SLC9C2: variants seen among roughly 807,000 people sequenced by gnomAD.
SLC9C2 encodes sodium/hydrogen exchanger 11.
In SLC9C2, 75 loss-of-function variants were observed where a neutral mutation model predicts 140.2. The observed-to-expected ratio is 0.53, with a 90% CI of 0.44 to 0.65. SLC9C2 has a LOEUF of 0.65. SLC9C2 is among the 30% of genes least tolerant of loss of function. The pLI is 0.00. For synonymous variants in SLC9C2, 375 were observed against 420.9 expected, an observed-to-expected ratio of 0.89 and a Z score of 1.34; for missense variants, 1,074 against 1,331.8, an observed-to-expected ratio of 0.81 and a Z score of 3.01.
chr1:173,537,510 C>T (rs1409557183), intron 13 of SLC9C2, among the ~76,000 whole-genome samples: 1 of 151,868 alleles, frequency 6.6e-6, no homozygotes, highest in African/African-American at 2.4e-5. Context: ...TGTGGTGAGC[C>T]GAGATCATGC....
intron 11 of SLC9C2, among the ~76,000 whole-genome samples, chr1:173,549,505 G>A (rs1263304216): frequency 6.6e-6 from 1 of 152,202 alleles, no homozygotes; most frequent in African/African-American, 2.4e-5. Flanking sequence ...CTTTCCAGTT[G>A]CTCAGGGGAA....
At chr1:173,570,580 G>A (rs577214163) in intron 9 of SLC9C2, among the ~76,000 whole-genome samples, 3 of 152,144 alleles carry the variant, frequency 2.0e-5, no homozygotes, top group African/African-American at 7.2e-5. Context: ...GCACTGCCCC[G>A]GTCCACTGGC....
Position 173,601,703 on chromosome 1 carries a change from A to G in SLC9C2, c.74T>C (p.Leu25Pro), listed in dbSNP as rs1558106334. ...CGTTGTGAAATGTTTCTCTTCAACA[A>G]GGTAGTCAGCTGGCTGCCCGCAGAG... The part of the protein sequence containing the change: ...DLLCGQPADY[L>P]VEEKHFTTLV... Residue 25 changes from leucine (L) to proline (P), a missense_variant, in exon 2 of 28, where the codon CTT becomes CCT. Transcript: ENST00000367714. 1.2e-6 allele frequency: 2 copies of G among 1,614,150 alleles called. No individual in the cohort carries two copies. Among genetic ancestry groups the G allele is most frequent in the South Asian group, 2.2e-5 (2 of 91,076 alleles).
rs750398573 is a variant in SLC9C2, at chr1:173,573,271, GC to G, written c.956del (p.Gly319AlafsTer3). On this transcript the variant is annotated frameshift_variant, in exon 9 of 28. Transcript: ENST00000367714. LOFTEE classifies it high-confidence loss of function. ...TGAGTTCTCCACATCCAATCACAAT[GC>G]CAAAGAAAGCATATATTAAATGTTC... ...VYEHLIYAFF[G>X]IVIGCGELSH... 10 of 1,574,880 alleles carry G rather than the reference GC, an allele frequency of 6.3e-6. No individual in the cohort carries two copies. In the Admixed American group the frequency reaches 1.7e-4, roughly 27 times the overall value.
chr1:173,587,513 A>T, intron 5 of SLC9C2, 152 bp downstream of exon 5: 3 of 629,458 alleles, frequency 4.8e-6, no homozygotes, highest in Non-Finnish European at 7.7e-6. Flanking sequence ...CTGTCTCCTT[A>T]AAGTCAATCA....
chr1:173,536,843 T>C (rs577026043), intron 14 of SLC9C2, 99 bp downstream of exon 14: 2 of 842,972 alleles, frequency 2.4e-6, no homozygotes, highest in Non-Finnish European at 2.0e-6. Flanking sequence ...TGTGAAATAA[T>C]AGATTGATCA....
At chr1:173,572,972 C>T (rs913550658) in intron 9 of SLC9C2, among the ~76,000 whole-genome samples, 15 of 152,232 alleles carry the variant, frequency 9.9e-5, no homozygotes, top group Admixed American at 6.5e-4. Context: ...TTATGGGTGA[C>T]GCCGATCCCT....
In SLC9C2 at chr1:173,557,487, C is replaced by T; in HGVS notation, c.1068G>A (p.Val356=). Reference sequence around the variant, plus strand: ...AATTTGAATGCATCAAAATAGGGCTCACTAACAAAATAGTAAGCAACCTGT... The same window carrying T: ...AATTTGAATGCATCAAAATAGGGCTTACTAACAAAATAGTAAGCAACCTGT... The part of the protein sequence containing the change: ...NLVRLLTILL[V]SPILMHSNYE... Residue 356 remains valine (V), a synonymous_variant, in exon 10 of 28, where the codon GTG becomes GTA. Coordinates refer to ENST00000367714, the MANE Select transcript of SLC9C2 (RefSeq NM_178527.4). 1 of 1,612,298 alleles carries T rather than the reference C, an allele frequency of 6.2e-7. No homozygotes were observed. Among genetic ancestry groups the T allele is most frequent in the Non-Finnish European group, 8.5e-7 (1 of 1,179,512 alleles).
chr1:173,511,703 A>G (rs1660070185), intron 23 of SLC9C2, among the ~76,000 whole-genome samples: 1 of 152,116 alleles, frequency 6.6e-6, no homozygotes, highest in African/African-American at 2.4e-5. Context: ...TGCCTTTGGC[A>G]TTTTTGTCAT....
intron 27 of SLC9C2, among the ~76,000 whole-genome samples, chr1:173,502,986 C>T (rs1368299935): frequency 6.6e-6 from 1 of 152,160 alleles, no homozygotes; most frequent in Admixed American, 6.5e-5. Context: ...TATGTCCCTC[C>T]TCACCCCAAA....
chr1:173,569,335 G>A (rs1233194311), intron 9 of SLC9C2, among the ~76,000 whole-genome samples: 2 of 151,762 alleles, frequency 1.3e-5, no homozygotes, highest in Non-Finnish European at 2.9e-5. Flanking sequence ...TGCTTGATTG[G>A]TGCTTCATTG....
intron 9 of SLC9C2, among the ~76,000 whole-genome samples, chr1:173,559,899 C>T (rs896695104): frequency 2.0e-5 from 3 of 152,146 alleles, no homozygotes; most frequent in African/African-American, 7.2e-5. Context: ...ATCTCAACCC[C>T]CTCTATAATC....
Position 173,591,447 on chromosome 1 carries a change from G to GC in SLC9C2, c.358-3618dup, listed in dbSNP as rs564610584. ...TCTATTTTTAGCTCTTTGAGGAATT[G>GC]CCACACTGCTTTCCACAGTGGTTGA... On this transcript the variant is annotated intron_variant, in intron 4 of 27. Transcript: ENST00000367714. Among the ~76,000 whole-genome samples the GC allele has an allele frequency of 2.1e-3, 322 of 152,198 alleles. 2 individuals are homozygous for GC. Among genetic ancestry groups the GC allele is most frequent in the African/African-American group, 7.3e-3 (305 of 41,534 alleles).
chr1:173,575,301 CA>C (rs1207590719), intron 8 of SLC9C2, among the ~76,000 whole-genome samples: 1 of 152,048 alleles, frequency 6.6e-6, no homozygotes. Flanking sequence ...ACCTAAGATG[CA>C]ACATCCAGAC....
At chr1:173,582,649 A>G (rs1665614838) in intron 6 of SLC9C2, among the ~76,000 whole-genome samples, 1 of 152,230 alleles carries the variant, frequency 6.6e-6, no homozygotes, top group East Asian at 1.9e-4. Context: ...CTATCACAAA[A>G]GTATATCAGA....
intron 23 of SLC9C2, 150 bp from the exon 24 acceptor site, chr1:173,509,849 T>C: frequency 1.2e-6 from 1 of 816,534 alleles, no homozygotes; most frequent in Non-Finnish European, 1.9e-6. Flanking sequence ...AGCATTTGTA[T>C]TGTGAAAATG....
chr1:173,525,158 CTT>C (rs1442778937), intron 19 of SLC9C2, among the ~76,000 whole-genome samples: 1 of 152,184 alleles, frequency 6.6e-6, no homozygotes. Context: ...CTCTCTCTCT[CTT>C]ATCCCCATGG....
At chr1:173,586,317 G>A (rs1416633114) in intron 5 of SLC9C2, among the ~76,000 whole-genome samples, 1 of 152,162 alleles carries the variant, frequency 6.6e-6, no homozygotes, top group Non-Finnish European at 1.5e-5. Flanking sequence ...CCAGCTAGGA[G>A]TATGAAAATA....
Position 173,557,447 on chromosome 1 carries a change from G to A in SLC9C2, c.1108C>T (p.Arg370Ter), listed in dbSNP as rs559322659. The part of the protein sequence containing the change: ...LMHSNYEYNW[R>*]WGVVITWSGI... ...GACCACGTGATTACAACTCCCCATC[G>A]CCAATTATATTCATAATTTGAATGC... is the stretch of plus-strand genomic sequence containing the variant. Residue 370 changes from arginine to a stop codon, truncating the protein, a stop_gained, in exon 10 of 28, where the codon CGA becomes TGA. Transcript: ENST00000367714. LOFTEE classifies it high-confidence loss of function. The A allele has an allele frequency of 8.1e-6, 13 of 1,613,378 alleles. No individual in the cohort carries two copies. The highest frequency in any genetic ancestry group is 1.1e-5 in the South Asian group (1 of 91,052).
Sources: gnomAD v4.1 joint callset for allele counts (sites outside exome capture counted in the v4.1 genomes callset) on GRCh38, gnomAD v4.1.1 for gene constraint, MANE v1.5 for transcripts, NCBI Gene and HGNC (gene_info 2026-07-23, HGNC 2026-07-21) for gene names.